The following AGBL4 variants were observed in gnomAD, a reference collection of about 807,000 sequenced individuals.
The protein encoded by AGBL4 is AGBL carboxypeptidase 4, also known as cytosolic carboxypeptidase 6.
Under a neutral mutation model 66.4 loss-of-function variants are expected in AGBL4, and 58 were observed. The ratio of observed to expected loss-of-function variants is 0.87; its 90% CI spans 0.71 to 1.09. The LOEUF is 1.09. AGBL4 is among the 50% of genes least tolerant of loss of function. The pLI is 0.00. For missense variants in AGBL4, 579 were observed against 631.0 expected (o/e 0.92, Z 0.88); for synonymous variants, 234 against 222.9 (o/e 1.05, Z -0.44).
chr1:48,532,239 A>G (rs1643910310), downstream of AGBL4, among the ~76,000 whole-genome samples: 1 of 152,198 alleles, frequency 6.6e-6, no homozygotes, highest in Non-Finnish European at 1.5e-5. Flanking sequence ...TTCCACACGT[A>G]AGTTCATTAA....
chr1:50,015,945 T>C (rs1661945945), intron 1 of AGBL4, among the ~76,000 whole-genome samples: 1 of 152,106 alleles, frequency 6.6e-6, no homozygotes, highest in Non-Finnish European at 1.5e-5. Flanking sequence ...GCTAGTCACA[T>C]GAAGAAGATT....
intron 6 of AGBL4, chr1:48,817,389 C>T (rs184063553): frequency 6.6e-6 from 1 of 152,310 alleles, no homozygotes; most frequent in African/African-American, 2.4e-5. Flanking sequence ...CTAGCTTTGA[C>T]ATTTAGGGCC....
At chr1:48,823,673 C>T (rs922904283) in intron 6 of AGBL4, among the ~76,000 whole-genome samples, 1 of 152,178 alleles carries the variant, frequency 6.6e-6, no homozygotes, top group Non-Finnish European at 1.5e-5. Flanking sequence ...TACTGCATTG[C>T]TTCACTTCTC....
At chr1:49,537,144 T>C (rs1314923302) in intron 3 of AGBL4, among the ~76,000 whole-genome samples, 1 of 151,918 alleles carries the variant, frequency 6.6e-6, no homozygotes, top group African/African-American at 2.4e-5. Flanking sequence ...AAAAATAAAC[T>C]CAAGATGGAA....
intron 6 of AGBL4, among the ~76,000 whole-genome samples, chr1:48,816,774 T>C (rs1050012956): frequency 3.3e-5 from 5 of 152,206 alleles, no homozygotes; most frequent in Non-Finnish European, 7.3e-5. Context: ...GAATAAGATA[T>C]GGTTCTGTCT....
chr1:49,948,721 T>A (rs1655794126), intron 1 of AGBL4, among the ~76,000 whole-genome samples: 1 of 150,608 alleles, frequency 6.6e-6, no homozygotes, highest in Non-Finnish European at 1.5e-5. Flanking sequence ...CATCCTATGT[T>A]CATGGATGGG....
intron 3 of AGBL4, among the ~76,000 whole-genome samples, chr1:49,339,134 G>A (rs2148502501): frequency 6.6e-6 from 1 of 152,246 alleles, no homozygotes; most frequent in African/African-American, 2.4e-5. Context: ...TTAAGGAAGA[G>A]TGCATTGTTA....
intron 4 of AGBL4, among the ~76,000 whole-genome samples, chr1:49,113,710 T>C (rs552741369): frequency 6.6e-6 from 1 of 152,364 alleles, no homozygotes; most frequent in Admixed American, 6.5e-5. Flanking sequence ...AATAACTTGT[T>C]AATCCATGAG....
intron 1 of AGBL4, among the ~76,000 whole-genome samples, chr1:49,892,355 C>G (rs141127364): frequency 8.7e-4 from 132 of 152,162 alleles, no homozygotes; most frequent in African/African-American, 3.2e-3. Flanking sequence ...ATACAAGGTC[C>G]CTCCTCAATT....
At chr1:48,541,331 A>G (rs1644064871) in intron 11 of AGBL4, among the ~76,000 whole-genome samples, 2 of 152,216 alleles carry the variant, frequency 1.3e-5, no homozygotes, top group Admixed American at 6.5e-5. Flanking sequence ...AGTGCTAATC[A>G]TACTGCATTT....
intron 5 of AGBL4, among the ~76,000 whole-genome samples, chr1:48,955,946 T>C (rs1199627692): frequency 1.3e-5 from 2 of 152,212 alleles, no homozygotes; most frequent in African/African-American, 4.8e-5. Context: ...TAACTATTAT[T>C]ATTACCTTGC....
chr1:48,989,628 T>A (rs1285345509), intron 5 of AGBL4, among the ~76,000 whole-genome samples: 1 of 152,148 alleles, frequency 6.6e-6, no homozygotes, highest in Non-Finnish European at 1.5e-5. Flanking sequence ...ACAAACAAAG[T>A]TTGTCATTCG....
intron 2 of AGBL4, among the ~76,000 whole-genome samples, chr1:49,702,869 A>T (rs190093810): frequency 4.6e-5 from 7 of 150,720 alleles, no homozygotes; most frequent in East Asian, 1.9e-4. Flanking sequence ...ATAGATGCAT[A>T]AAAAAAATCT....
At chr1:49,603,656 TCATTA>T (rs1459827662) in intron 3 of AGBL4, among the ~76,000 whole-genome samples, 5 of 152,176 alleles carry the variant, frequency 3.3e-5, no homozygotes, top group East Asian at 1.9e-4. Context: ...ATTTTACATG[TCATTA>T]CATTACAAGT....
chr1:50,020,881 C>A (rs1018635987), intron 1 of AGBL4, among the ~76,000 whole-genome samples: 2 of 152,144 alleles, frequency 1.3e-5, no homozygotes, highest in African/African-American at 4.8e-5. Flanking sequence ...ACCAGATGGC[C>A]ATATTTTGTA....
chr1:48,581,286 C>T (rs1225177252), intron 11 of AGBL4, among the ~76,000 whole-genome samples: 2 of 152,146 alleles, frequency 1.3e-5, no homozygotes, highest in Non-Finnish European at 2.9e-5. Context: ...GAGACTAACC[C>T]AATTAACTGA....
Position 49,637,882 on chromosome 1 carries a change from T to C in AGBL4, c.282+59431A>G, listed in dbSNP as rs559154187. Among the ~76,000 whole-genome samples, 46 of 152,188 alleles carry C rather than the reference T, an allele frequency of 3.0e-4. 2 individuals are homozygous for C. In the South Asian group the frequency reaches 8.7e-3, roughly 29 times the overall value. ...GGTTAACACCAGTAATACATAATGA[T>C]ATAAATGGGCATAAAACACTTAAGA... On this transcript the variant is annotated intron_variant, in intron 3 of 13. Transcript: ENST00000371839.
At chr1:49,993,436 A>G (rs1660115513) in intron 1 of AGBL4, among the ~76,000 whole-genome samples, 1 of 152,160 alleles carries the variant, frequency 6.6e-6, no homozygotes, top group Non-Finnish European at 1.5e-5. Flanking sequence ...CTACTCTTCT[A>G]TCCAGACAGT....
At chr1:49,829,645 C>T (rs979175085) in intron 2 of AGBL4, among the ~76,000 whole-genome samples, 2 of 152,058 alleles carry the variant, frequency 1.3e-5, no homozygotes, top group Non-Finnish European at 2.9e-5. Flanking sequence ...AATTTAAGTT[C>T]CGGAAAACAT....
Sources: allele counts gnomAD v4.1 joint callset (sites outside exome capture counted in the v4.1 genomes callset), GRCh38; gene constraint gnomAD v4.1.1; transcripts MANE v1.5; gene names NCBI Gene and HGNC (gene_info 2026-07-23, HGNC 2026-07-21).